EYS: variants seen among roughly 807,000 people sequenced by gnomAD.
EYS encodes EGF-like photoreceptor maintenance factor.
EYS carries 250 observed loss-of-function variants against 282.1 expected under a neutral mutation model. The observed-to-expected ratio is 0.89, with a 90% confidence interval of 0.80 to 0.98. The LOEUF (loss-of-function observed/expected upper bound fraction) is 0.98, where lower values mean the gene tolerates loss of function less well. Among genes scored for constraint, EYS ranks in the 50% least tolerant of loss-of-function variants. The probability of loss-of-function intolerance (pLI) is 0.00; values close to 1 mark genes in which losing one functional copy is unlikely to be tolerated. For missense variants in EYS, 4,016 were observed against 3,709.0 expected (o/e 1.08, Z -2.15); for synonymous variants, 1,355 against 1,282.9 (o/e 1.06, Z -1.20).
At chr6:65,283,102 T>A (rs1332773473) in intron 12 of EYS, among the ~76,000 whole-genome samples, 1 of 151,950 alleles carries the variant, frequency 6.6e-6, no homozygotes, top group Non-Finnish European at 1.5e-5. Flanking sequence ...ATATACTACA[T>A]TTTCAACTAC....
intron 2 of EYS, among the ~76,000 whole-genome samples, chr6:65,552,926 T>C (rs3908651): frequency 0.55 from 83,310 of 151,166 alleles, 23,001 homozygotes; most frequent in East Asian, 0.71. Flanking sequence ...AAGCCAAATA[T>C]CGAGGAAATT....
At position 64,321,685 on chromosome 6, in the gene EYS, G is replaced by A. The variant is rs190492983; in HGVS notation, c.6079-14603C>T. ...ATAGATCAAGAAAAAGAGAGAAATT[G>A]GTAGGAAGTGCTGATTCTAAGGCCA... On this transcript the variant is annotated intron_variant, in intron 29 of 42. Coordinates refer to ENST00000503581, the MANE Select transcript of EYS (RefSeq NM_001142800.2). Among the ~76,000 whole-genome samples the A allele has an allele frequency of 5.0e-3, 754 of 151,906 alleles. 2 individuals are homozygous for A. The highest frequency in any genetic ancestry group is 7.5e-3 in the Non-Finnish European group (509 of 67,804).
intron 22 of EYS, among the ~76,000 whole-genome samples, chr6:64,799,859 G>A (rs1428160566): frequency 2.6e-5 from 4 of 151,760 alleles, no homozygotes; most frequent in Non-Finnish European, 4.4e-5. Context: ...TTTAGAGTAA[G>A]CAAAGTGAAT....
intron 35 of EYS, among the ~76,000 whole-genome samples, chr6:63,978,033 G>T (rs1766922276): frequency 6.6e-6 from 1 of 151,914 alleles, no homozygotes; most frequent in Non-Finnish European, 1.5e-5. Flanking sequence ...TACATAGAAG[G>T]CTCTGGAACC....
intron 26 of EYS, among the ~76,000 whole-genome samples, chr6:64,467,319 A>G (rs1775957126): frequency 6.6e-6 from 1 of 152,168 alleles, no homozygotes; most frequent in South Asian, 2.1e-4. Flanking sequence ...CAGTTATATA[A>G]TGTCAGTAGG....
chr6:65,646,971 TCTGCAAGGAAAA>T (rs1482378248), intron 1 of EYS, among the ~76,000 whole-genome samples: 2 of 152,026 alleles, frequency 1.3e-5, no homozygotes, highest in East Asian at 3.9e-4. Flanking sequence ...ATGAAAGACC[TCTGCAAGGAAAA>T]CTACAAAACA....
intron 12 of EYS, among the ~76,000 whole-genome samples, chr6:65,256,177 T>A (rs1582069479): frequency 6.6e-6 from 1 of 151,680 alleles, no homozygotes; most frequent in Admixed American, 6.6e-5. Context: ...TAAAAAAGAA[T>A]GCGGTCCTAT....
chr6:64,150,385 T>C (rs1284040457), intron 31 of EYS, among the ~76,000 whole-genome samples: 1 of 152,214 alleles, frequency 6.6e-6, no homozygotes, highest in Non-Finnish European at 1.5e-5. Context: ...GGGATGTCTC[T>C]AGATGTGGTT....
chr6:64,461,656 T>C (rs1259088646), intron 26 of EYS, among the ~76,000 whole-genome samples: 1 of 152,220 alleles, frequency 6.6e-6, no homozygotes, highest in Admixed American at 6.5e-5. Context: ...GAAATGCACA[T>C]TTATATTACT....
At chr6:63,865,279 A>C (rs1378003551) in intron 35 of EYS, among the ~76,000 whole-genome samples, 1 of 152,236 alleles carries the variant, frequency 6.6e-6, no homozygotes, top group Non-Finnish European at 1.5e-5. Flanking sequence ...GAGAATAAAT[A>C]GCTAATACTT....
intron 37 of EYS, among the ~76,000 whole-genome samples, chr6:63,803,421 A>T (rs1049000057): frequency 3.9e-5 from 6 of 152,168 alleles, no homozygotes; most frequent in African/African-American, 1.4e-4. Flanking sequence ...TGATACAGTG[A>T]TAAATCACCA....
intron 22 of EYS, among the ~76,000 whole-genome samples, chr6:64,756,151 C>T (rs1265740759): frequency 6.6e-6 from 1 of 152,050 alleles, no homozygotes; most frequent in Admixed American, 6.6e-5. Context: ...TTCAACATTC[C>T]ATATTTGTTA....
At chr6:64,891,629 G>T (rs1468786105) in intron 18 of EYS, among the ~76,000 whole-genome samples, 3 of 151,994 alleles carry the variant, frequency 2.0e-5, no homozygotes, top group Non-Finnish European at 4.4e-5. Flanking sequence ...CCTGCTGAGG[G>T]TCCCTTTATG....
chr6:64,643,131 A>AAT (rs1768230054), intron 22 of EYS, among the ~76,000 whole-genome samples: 1 of 149,482 alleles, frequency 6.7e-6, no homozygotes, highest in Non-Finnish European at 1.5e-5. Context: ...CCAAAAAAAA[A>AAT]CAACACTGAA....
intron 5 of EYS, among the ~76,000 whole-genome samples, chr6:65,460,610 G>A (rs1175345913): frequency 1.3e-5 from 2 of 152,114 alleles, no homozygotes; most frequent in East Asian, 3.9e-4. Flanking sequence ...TCATGCTGAC[G>A]TAGAGCCAAA....
chr6:64,364,853 C>G (rs1772135456), intron 29 of EYS, among the ~76,000 whole-genome samples: 1 of 151,920 alleles, frequency 6.6e-6, no homozygotes, highest in East Asian at 2.0e-4. Flanking sequence ...TTCATTACTG[C>G]ACAATATATT....
chr6:64,643,842 C>T (rs964303130), intron 22 of EYS, among the ~76,000 whole-genome samples: 34 of 152,292 alleles, frequency 2.2e-4, no homozygotes, highest in Middle Eastern at 3.4e-3. Context: ...GATTGTGTGG[C>T]CTCTCCAGCC....
intron 33 of EYS, among the ~76,000 whole-genome samples, chr6:64,046,795 T>C (rs1231755219): frequency 6.6e-6 from 1 of 152,220 alleles, no homozygotes; most frequent in Admixed American, 6.5e-5. Context: ...TGAAAAATTG[T>C]TTCCATATTT....
At chr6:64,755,514 A>G (rs1023008827) in intron 22 of EYS, among the ~76,000 whole-genome samples, 79 of 151,256 alleles carry the variant, frequency 5.2e-4, no homozygotes, top group Non-Finnish European at 1.0e-3. Context: ...ACACACACAC[A>G]CACACACACA....
Sources: gnomAD v4.1 joint callset for allele counts (sites outside exome capture counted in the v4.1 genomes callset) on GRCh38, gnomAD v4.1.1 for gene constraint, MANE v1.5 for transcripts, NCBI Gene and HGNC (gene_info 2026-07-23, HGNC 2026-07-21) for gene names.